Variants in STEAP1B observed in about 807,000 individuals in gnomAD.
STEAP1B encodes the protein STEAP family member 1B.
STEAP1B carries 13 observed loss-of-function variants against 27.9 expected under a neutral mutation model. The ratio of observed to expected loss-of-function variants is 0.47; its 90% CI spans 0.30 to 0.74. STEAP1B has a LOEUF of 0.74. Ranked by LOEUF, STEAP1B falls within the 30% of genes least tolerant of loss-of-function variation. The pLI, the probability that STEAP1B is intolerant of heterozygous loss-of-function variation, is 0.06. For missense variants in STEAP1B, 250 were observed against 298.7 expected (o/e 0.84, Z 1.20); for synonymous variants, 86 against 107.1 (o/e 0.80, Z 1.22).
At chr7:22,419,880 G>T in intron 4 of STEAP1B, 44 bp from the exon 5 acceptor site, 1 of 1,534,190 alleles carries the variant, frequency 6.5e-7, no homozygotes, top group South Asian at 1.2e-5. Context: ...TAGAAGTAGT[G>T]ACTATCACTA....
Position 22,436,641 on chromosome 7 carries a change from T to C in STEAP1B, c.763-16805A>G, listed in dbSNP as rs1271263780. On this transcript the variant is annotated intron_variant, in intron 4 of 4. Transcript: ENST00000678116. ...GCTCCCACTTACAAGTGAGAACATG[T>C]GGTATTTGGTTTTCTGTTCCTGTGT... is the stretch of plus-strand genomic sequence containing the variant. 2.0e-5 allele frequency among the ~76,000 whole-genome samples: 3 copies of C among 151,608 alleles called. No individual in the cohort carries two copies. The South Asian group carries it at 6.2e-4, about 31-fold the overall frequency.
intron 4 of STEAP1B, among the ~76,000 whole-genome samples, chr7:22,465,309 C>A (rs1785757735): frequency 6.6e-6 from 1 of 152,008 alleles, no homozygotes; most frequent in Non-Finnish European, 1.5e-5. Context: ...CCATGGTCGA[C>A]CTTGGATAAG....
At chr7:22,476,306 C>T (rs993555775) in intron 4 of STEAP1B, among the ~76,000 whole-genome samples, 1 of 152,166 alleles carries the variant, frequency 6.6e-6, no homozygotes, top group African/African-American at 2.4e-5. Flanking sequence ...AAAGAAGAGA[C>T]CCAAAGCCAG....
chr7:22,474,160 T>C (rs1336021158), intron 4 of STEAP1B, among the ~76,000 whole-genome samples: 1 of 152,200 alleles, frequency 6.6e-6, no homozygotes, highest in African/African-American at 2.4e-5. Context: ...ATATCGTTCA[T>C]TGTATATATG....
chr7:22,444,123 G>A (rs528333316), intron 4 of STEAP1B, among the ~76,000 whole-genome samples: 48 of 152,296 alleles, frequency 3.2e-4, no homozygotes, highest in African/African-American at 1.1e-3. Context: ...CCCTGCAGAG[G>A]GAGTGGGTTT....
chr7:22,460,613 C>T (rs1785662277), intron 4 of STEAP1B, among the ~76,000 whole-genome samples: 3 of 152,142 alleles, frequency 2.0e-5, no homozygotes, highest in African/African-American at 4.8e-5. Flanking sequence ...TAAGAGCGCA[C>T]AGGCAGTGAG....
At chr7:22,492,456 T>G (rs1786344224) in intron 4 of STEAP1B, 109 bp downstream of exon 4, 1 of 1,401,170 alleles carries the variant, frequency 7.1e-7, no homozygotes, top group Non-Finnish European at 9.3e-7. Context: ...TACAAGATCT[T>G]TGCTGTTGAA....
Position 22,494,790 on chromosome 7 carries a change from T to G in STEAP1B, c.66A>C (p.Leu22Phe). Residue 22 changes from leucine to phenylalanine, a missense_variant, in exon 2 of 5, where the codon TTA (leucine) becomes TTC (phenylalanine). Leu to Phe is a conservative substitution (Grantham distance 22). Transcript: ENST00000678116. ...ATTTTACCAAATAATCGTTGTCTTC[T>G]AAATTTCTCCTAGGCTTCATTTTCC... ...EIWKMKPRRN[L>F]EDNDYLHEDT... The G allele has an allele frequency of 6.4e-7, 1 of 1,568,384 alleles. No homozygotes were observed. The highest frequency in any genetic ancestry group is 8.7e-7 in the Non-Finnish European group (1 of 1,151,976).
intron 4 of STEAP1B, among the ~76,000 whole-genome samples, chr7:22,428,732 G>A (rs1785141086): frequency 2.0e-5 from 3 of 152,082 alleles, no homozygotes; most frequent in African/African-American, 4.8e-5. Flanking sequence ...AAACTCGGGA[G>A]GGGGAGGTTG....
At chr7:22,443,735 G>A (rs898253485) in intron 4 of STEAP1B, among the ~76,000 whole-genome samples, 7 of 152,182 alleles carry the variant, frequency 4.6e-5, no homozygotes, top group African/African-American at 1.7e-4. Flanking sequence ...TGGCTGTCAT[G>A]GTAGCTGGCA....
chr7:22,435,015 C>T (rs1384202101), intron 4 of STEAP1B, among the ~76,000 whole-genome samples: 1 of 152,008 alleles, frequency 6.6e-6, no homozygotes, highest in East Asian at 1.9e-4. Context: ...CTAGTGTGAC[C>T]GAGGAACTGA....
At chr7:22,458,055 G>A (rs1409005857) in intron 4 of STEAP1B, among the ~76,000 whole-genome samples, 3 of 152,138 alleles carry the variant, frequency 2.0e-5, no homozygotes. Flanking sequence ...AGTTGTTAGG[G>A]TTAGGCTTAC....
intron 4 of STEAP1B, among the ~76,000 whole-genome samples, chr7:22,491,266 A>T (rs1786316471): frequency 6.6e-6 from 1 of 152,228 alleles, no homozygotes; most frequent in Non-Finnish European, 1.5e-5. Context: ...ATCTATAATT[A>T]TCCAGATATA....
At chr7:22,492,346 AAGGAT>A in intron 4 of STEAP1B, 2 of 274,042 alleles carry the variant, frequency 7.3e-6, no homozygotes, top group Non-Finnish European at 1.1e-5. Context: ...AAAAAAAAAA[AAGGAT>A]ATTTTAATGC....
intron 4 of STEAP1B, among the ~76,000 whole-genome samples, chr7:22,487,979 C>T (rs1786244321): frequency 6.6e-6 from 1 of 152,104 alleles, no homozygotes; most frequent in African/African-American, 2.4e-5. Context: ...CCCATCCACC[C>T]CATAATAAAG....
intron 4 of STEAP1B, among the ~76,000 whole-genome samples, chr7:22,424,536 G>C (rs928288317): frequency 6.6e-6 from 1 of 152,158 alleles, no homozygotes; most frequent in African/African-American, 2.4e-5. Context: ...AAATCTCCTT[G>C]TATGCTGTTG....
intron 4 of STEAP1B, among the ~76,000 whole-genome samples, chr7:22,446,729 T>C (rs1785414656): frequency 6.6e-6 from 1 of 152,216 alleles, no homozygotes; most frequent in Non-Finnish European, 1.5e-5. Flanking sequence ...GGGGAAAGAA[T>C]GTGGGTTTTG....
intron 4 of STEAP1B, among the ~76,000 whole-genome samples, chr7:22,476,394 T>G (rs769394249): frequency 6.6e-6 from 1 of 151,998 alleles, no homozygotes; most frequent in East Asian, 1.9e-4. Context: ...ACAAGAACCA[T>G]GTAGCCCAGG....
chr7:22,461,091 T>C (rs1172347719), intron 4 of STEAP1B, among the ~76,000 whole-genome samples: 3 of 152,116 alleles, frequency 2.0e-5, no homozygotes, highest in African/African-American at 7.2e-5. Flanking sequence ...CTGTGTTGGA[T>C]TGCTCATACC....
Sources: gnomAD v4.1 joint callset for allele counts (sites outside exome capture counted in the v4.1 genomes callset) on GRCh38, gnomAD v4.1.1 for gene constraint, MANE v1.5 for transcripts, NCBI Gene and HGNC (gene_info 2026-07-23, HGNC 2026-07-21) for gene names.